The following SLC25A21 variants were observed in gnomAD, a reference collection of about 807,000 sequenced individuals.
SLC25A21 encodes solute carrier family 25 member 21.
Under a neutral mutation model 43.8 loss-of-function variants are expected in SLC25A21, and 47 were observed. The observed-to-expected ratio is 1.07, with a 90% confidence interval of 0.85 to 1.37. The LOEUF (loss-of-function observed/expected upper bound fraction) is 1.37, where lower values mean the gene tolerates loss of function less well. Ranked by LOEUF, SLC25A21 falls within the 40% of genes most tolerant of loss-of-function variation. SLC25A21 has a pLI of 0.00. For missense variants in SLC25A21, 352 were observed against 350.2 expected, an observed-to-expected ratio of 1.00 and a Z score of -0.04; for synonymous variants, 131 against 121.3, an observed-to-expected ratio of 1.08 and a Z score of -0.52.
Position 36,893,351 on chromosome 14 carries a change from C to T in SLC25A21, c.71-18347G>A, listed in dbSNP as rs144331272. ...TGTTGGCTGCATAAAAGTCTTCTTT[C>T]GAGAAGTGTCTGTTCATGTCCTTCA... On this transcript the variant is annotated intron_variant, in intron 1 of 9. Transcript: ENST00000331299. Among the ~76,000 whole-genome samples, 478 of 152,144 alleles carry T rather than the reference C, an allele frequency of 3.1e-3. 1 individual carries two copies. The highest frequency in any genetic ancestry group is 0.01 in the African/African-American group (418 of 41,498).
At chr14:36,902,123 T>C (rs1332614103) in intron 1 of SLC25A21, among the ~76,000 whole-genome samples, 1 of 152,232 alleles carries the variant, frequency 6.6e-6, no homozygotes, top group Non-Finnish European at 1.5e-5. Context: ...TTGGCAGATA[T>C]CTCATTTTAC....
chr14:37,010,679 T>C (rs763756460), intron 1 of SLC25A21, among the ~76,000 whole-genome samples: 21 of 116,240 alleles, frequency 1.8e-4, no homozygotes, highest in Non-Finnish European at 2.7e-4. Context: ...TAAAGTACTT[T>C]TAAATGTTTA....
chr14:36,893,784 C>A (rs547641318), intron 1 of SLC25A21, among the ~76,000 whole-genome samples: 1 of 152,232 alleles, frequency 6.6e-6, no homozygotes, highest in Admixed American at 6.5e-5. Flanking sequence ...TTCCCAGCAC[C>A]ATTTATTAAA....
intron 2 of SLC25A21, among the ~76,000 whole-genome samples, chr14:36,864,965 C>A (rs1282116080): frequency 6.6e-6 from 1 of 151,976 alleles, no homozygotes; most frequent in African/African-American, 2.4e-5. Flanking sequence ...CTTGTCTATA[C>A]CCCATCCTCA....
At chr14:37,076,864 T>G (rs937447075) in intron 1 of SLC25A21, among the ~76,000 whole-genome samples, 2 of 152,178 alleles carry the variant, frequency 1.3e-5, no homozygotes, top group African/African-American at 4.8e-5. Context: ...GAGAGCATTA[T>G]TTTCAAATTC....
chr14:36,939,906 A>T (rs1892514717), intron 1 of SLC25A21, among the ~76,000 whole-genome samples: 3 of 152,308 alleles, frequency 2.0e-5, no homozygotes, highest in Admixed American at 2.0e-4. Flanking sequence ...TCTGGTTTCT[A>T]ATTGTTTCAC....
At chr14:37,051,717 A>C (rs1250740915) in intron 1 of SLC25A21, among the ~76,000 whole-genome samples, 1 of 152,230 alleles carries the variant, frequency 6.6e-6, no homozygotes, top group Non-Finnish European at 1.5e-5. Context: ...CTGCAAGGAC[A>C]GTCATATGGA....
chr14:37,019,926 C>T (rs566935919), intron 1 of SLC25A21, among the ~76,000 whole-genome samples: 2 of 151,634 alleles, frequency 1.3e-5, no homozygotes, highest in Non-Finnish European at 2.9e-5. Context: ...AGATAACCTC[C>T]TAAAAGACAA....
intron 3 of SLC25A21, among the ~76,000 whole-genome samples, chr14:36,803,384 G>C (rs562326008): frequency 6.6e-6 from 1 of 152,004 alleles, no homozygotes; most frequent in African/African-American, 2.4e-5. Flanking sequence ...TTTACAAATA[G>C]TGTCAATCTC....
intron 3 of SLC25A21, among the ~76,000 whole-genome samples, chr14:36,735,882 G>A (rs969428167): frequency 3.1e-4 from 46 of 147,422 alleles, no homozygotes; most frequent in Non-Finnish European, 5.3e-4. Context: ...TCATAAAGAG[G>A]AAGAAAGGGA....
At chr14:37,070,159 A>T (rs1324394268) in intron 1 of SLC25A21, among the ~76,000 whole-genome samples, 1 of 152,086 alleles carries the variant, frequency 6.6e-6, no homozygotes, top group African/African-American at 2.4e-5. Flanking sequence ...TACCATCCTA[A>T]TCGGACTCTA....
At chr14:37,064,403 T>TA (rs1356758376) in intron 1 of SLC25A21, among the ~76,000 whole-genome samples, 2 of 152,102 alleles carry the variant, frequency 1.3e-5, no homozygotes, top group Non-Finnish European at 2.9e-5. Flanking sequence ...AGCCAGTTGA[T>TA]AAATTCTCTT....
At chr14:37,170,612 TG>T (rs1178356372) in intron 1 of SLC25A21, among the ~76,000 whole-genome samples, 1 of 151,938 alleles carries the variant, frequency 6.6e-6, no homozygotes, top group African/African-American at 2.4e-5. Context: ...ATTGGAAAAC[TG>T]AAAGAGCAAG....
At chr14:37,069,018 C>T (rs1962118636) in intron 1 of SLC25A21, among the ~76,000 whole-genome samples, 1 of 150,828 alleles carries the variant, frequency 6.6e-6, no homozygotes, top group South Asian at 2.1e-4. Flanking sequence ...ACTAAAAATA[C>T]AAAAAAAAAT....
chr14:36,835,189 G>C (rs977640853), intron 2 of SLC25A21, among the ~76,000 whole-genome samples: 1 of 152,164 alleles, frequency 6.6e-6, no homozygotes, highest in Admixed American at 6.6e-5. Flanking sequence ...TCACTTTCAC[G>C]ATAGGCTAAC....
intron 1 of SLC25A21, among the ~76,000 whole-genome samples, chr14:36,959,274 G>A (rs1198726178): frequency 6.6e-6 from 1 of 152,148 alleles, no homozygotes; most frequent in Admixed American, 6.5e-5. Flanking sequence ...AAATGGGGTT[G>A]CCTGCTTTGA....
intron 1 of SLC25A21, among the ~76,000 whole-genome samples, chr14:37,111,401 C>T (rs1963017286): frequency 6.6e-6 from 1 of 151,976 alleles, no homozygotes; most frequent in Non-Finnish European, 1.5e-5. Flanking sequence ...TTTTTAAATA[C>T]TGATACTGAG....
At chr14:36,776,598 G>C (rs1254215594) in intron 3 of SLC25A21, among the ~76,000 whole-genome samples, 1 of 151,950 alleles carries the variant, frequency 6.6e-6, no homozygotes, top group African/African-American at 2.4e-5. Flanking sequence ...CCTGAAGATT[G>C]ATGCCTCCCC....
At chr14:37,101,283 T>C (rs1962812641) in intron 1 of SLC25A21, among the ~76,000 whole-genome samples, 1 of 152,232 alleles carries the variant, frequency 6.6e-6, no homozygotes, top group Non-Finnish European at 1.5e-5. Context: ...TCTTTTTTCT[T>C]CTTCTAAGTC....
Sources: gnomAD v4.1 joint callset for allele counts (sites outside exome capture counted in the v4.1 genomes callset) on GRCh38, gnomAD v4.1.1 for gene constraint, MANE v1.5 for transcripts, NCBI Gene and HGNC (gene_info 2026-07-23, HGNC 2026-07-21) for gene names.